ZNF521: variants seen among roughly 807,000 people sequenced by gnomAD.
ZNF521 encodes zinc finger protein 521.
In ZNF521, 14 loss-of-function variants were observed where a neutral mutation model predicts 105.5. The observed-to-expected ratio is 0.13, with a 90% CI of 0.09 to 0.21. The LOEUF is 0.21. ZNF521 is among the 10% of genes least tolerant of loss of function. The probability of loss-of-function intolerance (pLI) is 1.00; values close to 1 mark genes in which losing one functional copy is unlikely to be tolerated. For synonymous variants in ZNF521, 635 were observed against 606.0 expected, an observed-to-expected ratio of 1.05 and a Z score of -0.70; for missense variants, 1,233 against 1,629.7, an observed-to-expected ratio of 0.76 and a Z score of 4.19.
chr18:25,184,535 T>C (rs908334000), intron 5 of ZNF521, among the ~76,000 whole-genome samples: 1 of 152,188 alleles, frequency 6.6e-6, no homozygotes, highest in African/African-American at 2.4e-5. Flanking sequence ...ATTAATTGCA[T>C]TACTGAGTGG....
At chr18:25,220,913 C>T (rs1196170131) in intron 4 of ZNF521, among the ~76,000 whole-genome samples, 2 of 152,146 alleles carry the variant, frequency 1.3e-5, no homozygotes, top group East Asian at 1.9e-4. Flanking sequence ...ATTTATTCAA[C>T]GTATAGTAAA....
chr18:25,255,829 T>A (rs1908443785), intron 3 of ZNF521, among the ~76,000 whole-genome samples: 1 of 151,932 alleles, frequency 6.6e-6, no homozygotes, highest in Non-Finnish European at 1.5e-5. Flanking sequence ...AAAGAGACAG[T>A]ATGTGCATGT....
chr18:25,195,089 A>T, intron 5 of ZNF521, 71 bp downstream of exon 5: 1 of 1,156,736 alleles, frequency 8.6e-7, no homozygotes, highest in Non-Finnish European at 1.2e-6. Context: ...TTCATCTTTA[A>T]CTCTGTTTAA....
At chr18:25,341,063 C>T (rs985897411) in intron 2 of ZNF521, among the ~76,000 whole-genome samples, 3 of 152,178 alleles carry the variant, frequency 2.0e-5, no homozygotes, top group African/African-American at 7.2e-5. Context: ...CCCACCATCA[C>T]CATTCATTCC....
At chr18:25,327,615 T>C (rs1913298549) in intron 2 of ZNF521, 1 of 541,158 alleles carries the variant, frequency 1.8e-6, no homozygotes, top group African/African-American at 1.9e-5. Flanking sequence ...TAGAAAGCCT[T>C]CCTGGTTTGC....
intron 5 of ZNF521, among the ~76,000 whole-genome samples, chr18:25,093,242 TCTTAATAGATATGGTGGAG>T (rs1368393002): frequency 2.0e-5 from 3 of 152,114 alleles, no homozygotes; most frequent in Non-Finnish European, 2.9e-5. Context: ...AGGGGACATA[TCTTAATAGATATGGTGGAG>T]CACACACCCA....
At chr18:25,312,224 G>A (rs1912347975) in intron 3 of ZNF521, among the ~76,000 whole-genome samples, 1 of 151,982 alleles carries the variant, frequency 6.6e-6, no homozygotes, top group Non-Finnish European at 1.5e-5. Flanking sequence ...CTTATACTGG[G>A]AAAACATATT....
intron 5 of ZNF521, among the ~76,000 whole-genome samples, chr18:25,149,465 T>C (rs1043162484): frequency 2.6e-5 from 4 of 152,214 alleles, no homozygotes. Context: ...TAGATATCTG[T>C]GCAGGCAATG....
chr18:25,287,076 C>G lies in ZNF521; in HGVS notation c.220+34932G>C, dbSNP rs75179501. ...TATCTAGCTTAAAATACCTTCTTTG[C>G]TATAAGGAAAATGCTTCTCTGTAAC... On this transcript the variant is annotated intron_variant, in intron 3 of 7. Coordinates refer to ENST00000361524, the MANE Select transcript of ZNF521 (RefSeq NM_015461.3). Among the ~76,000 whole-genome samples the G allele has an allele frequency of 5.3e-4, 81 of 152,208 alleles. No homozygotes were observed. The East Asian group carries it at 0.012, about 23-fold the overall frequency.
intron 5 of ZNF521, 133 bp downstream of exon 5, chr18:25,195,027 T>TA (rs1021163839): frequency 2.1e-3 from 1,442 of 678,840 alleles, no homozygotes; most frequent in Middle Eastern, 6.4e-3. Flanking sequence ...TAACAGAAAT[T>TA]AAAAAAAAAA....
At chr18:25,116,879 A>ATATGTG (rs1555635633) in intron 5 of ZNF521, among the ~76,000 whole-genome samples, 2 of 52,184 alleles carry the variant, frequency 3.8e-5, no homozygotes, top group African/African-American at 8.2e-5. Flanking sequence ...ACGTATATAT[A>ATATGTG]TATATATACG....
At chr18:25,186,904 T>TAAAAAAAAAAAAAAAAAGAAAAAAA (rs2035732381) in intron 5 of ZNF521, among the ~76,000 whole-genome samples, 1 of 74,328 alleles carries the variant, frequency 1.3e-5, no homozygotes, top group Non-Finnish European at 3.1e-5. Context: ...AAAGTAATGC[T>TAAAAAAAAAAAAAAAAAGAAAAAAA]AAAAAAAAAA....
rs79949652 is a variant in ZNF521 at position 25,189,191 on chromosome 18, T to G, written c.3658+5969A>C. On this transcript the variant is annotated intron_variant, in intron 5 of 7. Transcript: ENST00000361524. Reference sequence around the variant, plus strand: ...ATTTTTCTTTGAGTTTCTTTTAAATTGTCTTTGTTTTTAGGAAGGCTGATC... The same window carrying G: ...ATTTTTCTTTGAGTTTCTTTTAAATGGTCTTTGTTTTTAGGAAGGCTGATC... Among the ~76,000 whole-genome samples the G allele has an allele frequency of 3.2e-3, 487 of 152,270 alleles. 1 individual carries two copies. The highest frequency in any genetic ancestry group is 0.011 in the African/African-American group (465 of 41,558).
At chr18:25,115,205 C>A (rs577905175) in intron 5 of ZNF521, among the ~76,000 whole-genome samples, 132 of 152,302 alleles carry the variant, frequency 8.7e-4, no homozygotes, top group African/African-American at 2.6e-3. Context: ...TTAATTACTA[C>A]CGTGGACATA....
intron 5 of ZNF521, among the ~76,000 whole-genome samples, chr18:25,151,574 T>C (rs1039068588): frequency 6.6e-6 from 1 of 152,026 alleles, no homozygotes; most frequent in Non-Finnish European, 1.5e-5. Context: ...AGGTGGTGAG[T>C]CTTTAGGTGT....
intron 7 of ZNF521, among the ~76,000 whole-genome samples, chr18:25,080,712 C>T (rs1430637028): frequency 6.6e-6 from 1 of 152,202 alleles, no homozygotes; most frequent in African/African-American, 2.4e-5. Context: ...TGATTACTAT[C>T]TTTCTTACCC....
At chr18:25,204,422 T>C (rs780136131) in intron 4 of ZNF521, among the ~76,000 whole-genome samples, 6 of 152,022 alleles carry the variant, frequency 3.9e-5, no homozygotes, top group Non-Finnish European at 8.8e-5. Flanking sequence ...TTCAGAAAAA[T>C]CTGACAGGTA....
chr18:25,230,994 GA>G (rs1205699640), intron 3 of ZNF521, among the ~76,000 whole-genome samples: 4 of 152,182 alleles, frequency 2.6e-5, no homozygotes, highest in Non-Finnish European at 4.4e-5. Flanking sequence ...CAACACTCCT[GA>G]GACTTTCAGT....
In ZNF521 at chr18:25,068,506, T is replaced by TC. The variant is rs550916753; in HGVS notation, c.3907-5766_3907-5765insG. On this transcript the variant is annotated intron_variant, in intron 7 of 7. Transcript: ENST00000361524. Reference sequence around the variant, plus strand: ...AAGCACTATTGCTTTTTTTCATTTTTAATTTTTTTTTTTAAACAAAAGCAA... The same window carrying TC: ...AAGCACTATTGCTTTTTTTCATTTTTCAATTTTTTTTTTTAAACAAAAGCAA... Among the ~76,000 whole-genome samples, 133 of 147,216 alleles carry TC rather than the reference T, an allele frequency of 9.0e-4. 1 individual carries two copies. In the South Asian group the frequency reaches 9.5e-3, roughly 11 times the overall value.
Sources: gnomAD v4.1 joint callset for allele counts (sites outside exome capture counted in the v4.1 genomes callset) on GRCh38, gnomAD v4.1.1 for gene constraint, MANE v1.5 for transcripts, NCBI Gene and HGNC (gene_info 2026-07-23, HGNC 2026-07-21) for gene names.